Variants in TAF1 observed in about 807,000 individuals in gnomAD.
TAF1 encodes the protein transcription initiation factor TFIID subunit 1.
In TAF1, 2 loss-of-function variants were observed where a neutral mutation model predicts 138.5. The observed-to-expected ratio is 0.01, with a 90% CI of 0.01 to 0.05. The LOEUF (loss-of-function observed/expected upper bound fraction) is 0.05, where lower values mean the gene tolerates loss of function less well. Ranked by LOEUF, TAF1 falls within the 10% of genes least tolerant of loss-of-function variation. TAF1 has a pLI of 1.00. For synonymous variants in TAF1, 437 were observed against 503.2 expected, an observed-to-expected ratio of 0.87 and a Z score of 1.76; for missense variants, 709 against 1,478.0, an observed-to-expected ratio of 0.48 and a Z score of 8.53.
At chrX:71,384,261 A>T (rs2034076465) in intron 13 of TAF1, 126 bp downstream of exon 13, 2 of 744,783 alleles carry the variant, frequency 2.7e-6, no homozygotes, top group Non-Finnish European at 3.8e-6. Flanking sequence ...TTACATACAA[A>T]TTTTTTATTA....
At position 71,406,548 on chromosome X, in the gene TAF1, A is replaced by G. The variant is rs1348578140; in HGVS notation, c.3999-90A>G. 3 of 900,961 alleles carry G rather than the reference A, an allele frequency of 3.3e-6. No homozygotes were observed. In the Admixed American group the frequency reaches 9.9e-5, roughly 30 times the overall value. 74.2% of individuals were successfully genotyped at this position (900,961 alleles called of 1,213,427 possible). A position where few individuals can be genotyped will look rare whatever the true frequency, so the allele number is the denominator to read the frequency against. ...TTCCTCGCTAGGCTCGTGCTTAGGT[A>G]CCTTGGACTTTTTTTTAATTATAGT... On this transcript the variant is annotated intron_variant, in intron 25 of 37. Transcript: ENST00000423759.
At chrX:71,431,819 G>C (rs775992072) in intron 32 of TAF1, among the ~76,000 whole-genome samples, 31 of 109,641 alleles carry the variant, frequency 2.8e-4, no homozygotes. Context: ...CGGAGGCTGA[G>C]GCAGGAGAAT....
chrX:71,397,014 G>A (rs1482612815), intron 22 of TAF1, among the ~76,000 whole-genome samples: 1 of 87,029 alleles, frequency 1.1e-5, no homozygotes, highest in East Asian at 3.9e-4. Flanking sequence ...AACAGAGCGA[G>A]AGAGATCCTG....
intron 13 of TAF1, among the ~76,000 whole-genome samples, chrX:71,506,552 G>T (rs372353396): frequency 2.8e-5 from 3 of 106,491 alleles, no homozygotes; most frequent in South Asian, 4.3e-4. Context: ...AAAAGTAGCC[G>T]GGCATGGTGG....
rs1469446378 is a variant in TAF1, at chrX:71,485,710, T to A, written c.1366+24907T>A. On this transcript the variant is annotated intron_variant and NMD_transcript_variant, in intron 13 of 14. Transcript: ENST00000373775. The stretch of plus-strand genomic sequence containing the variant: ...TAGATTTGGTTGTTTGTTGTTGTTG[T>A]CGAGTTGTAGGAATTATTTATATAT... Among the ~76,000 whole-genome samples the A allele has an allele frequency of 2.7e-5, 3 of 111,851 alleles. No individual in the cohort carries two copies. The South Asian group carries it at 1.1e-3, about 41-fold the overall frequency.
intron 29 of TAF1, among the ~76,000 whole-genome samples, chrX:71,422,344 A>T (rs1181661529): frequency 2.9e-5 from 3 of 102,407 alleles, no homozygotes; most frequent in African/African-American, 1.1e-4. Flanking sequence ...TTTTTTTGAG[A>T]CAGGGTCTGG....
Position 71,465,353 on chromosome X carries a change from A to G in TAF1, c.*1307A>G, listed in dbSNP as rs986940415. 8.9e-6 allele frequency: 1 copy of G among 112,081 alleles called. No homozygotes were observed. The highest frequency in any genetic ancestry group is 1.9e-5 in the Non-Finnish European group (1 of 53,229). The allele number at this position is 112,081 out of a possible 1,213,427, so 9.2% of individuals were successfully genotyped here. ...AGTAATCATGTCTGAAAAGTCAGGA[A>G]AGTCTTCCTAGAGGTAATTTTTAAG... is the stretch of plus-strand genomic sequence containing the variant. On this transcript the variant is annotated 3_prime_UTR_variant, in exon 38 of 38. Coordinates refer to ENST00000423759, the MANE Select transcript of TAF1 (RefSeq NM_004606.5).
At chrX:71,434,900 A>G (rs1224343333) in intron 32 of TAF1, among the ~76,000 whole-genome samples, 2 of 112,779 alleles carry the variant, frequency 1.8e-5, no homozygotes, top group Non-Finnish European at 3.7e-5. Context: ...TTTTTGCCAG[A>G]CTTAACAAAA....
intron 13 of TAF1, among the ~76,000 whole-genome samples, chrX:71,504,318 C>T (rs1245529201): frequency 9.1e-6 from 1 of 110,290 alleles, no homozygotes; most frequent in African/African-American, 3.3e-5. Context: ...GTATTTCCTC[C>T]ATCCAGTCTG....
At chrX:71,386,022 A>G (rs764220087) in intron 14 of TAF1, among the ~76,000 whole-genome samples, 17 of 110,648 alleles carry the variant, frequency 1.5e-4, no homozygotes, top group Non-Finnish European at 2.8e-4. Flanking sequence ...TTAGCCGGGC[A>G]TGGTGGCACA....
Position 71,414,483 on chromosome X carries a change from TGTTACACC to T in TAF1, c.4384+6337_4384+6344del, listed in dbSNP as rs1159926205. 9.8e-5 allele frequency among the ~76,000 whole-genome samples: 8 copies of T among 81,851 alleles called. 1 individual carries two copies. The highest frequency in any genetic ancestry group is 4.9e-3 in the Middle Eastern group (1 of 204). The allele number at this position is 81,851 out of a possible 115,157, so 71.1% of individuals were successfully genotyped here. ...AACCATTCATCCACATAGGTATTTG[TGTTACACC>T]GTTATCATAAGGTCTGGATCTACTG... is the stretch of plus-strand genomic sequence containing the variant. On this transcript the variant is annotated intron_variant, in intron 28 of 37. Coordinates refer to ENST00000423759, the MANE Select transcript of TAF1 (RefSeq NM_004606.5).
chrX:71,426,552 C>T (rs2036598804), intron 32 of TAF1, among the ~76,000 whole-genome samples: 1 of 110,760 alleles, frequency 9.0e-6, no homozygotes, highest in African/African-American at 3.3e-5. Flanking sequence ...CCCGTCTCTA[C>T]TAAAAGTACA....
At chrX:71,392,295 C>A (rs1415384881) in intron 18 of TAF1, among the ~76,000 whole-genome samples, 1 of 111,017 alleles carries the variant, frequency 9.0e-6, no homozygotes, top group Non-Finnish European at 1.9e-5. Context: ...TACCACTGTT[C>A]TTTATTTTTC....
At chrX:71,377,910 T>C in intron 6 of TAF1, 89 bp downstream of exon 6, 1 of 964,867 alleles carries the variant, frequency 1.0e-6, no homozygotes, top group South Asian at 2.5e-5. Flanking sequence ...AAATTGTAAA[T>C]AATACCATAG....
At chrX:71,504,295 T>C (rs1200095293) in intron 13 of TAF1, among the ~76,000 whole-genome samples, 1 of 110,102 alleles carries the variant, frequency 9.1e-6, no homozygotes. Flanking sequence ...CCCTGACTGA[T>C]ACATCCTTCA....
intron 37 of TAF1, 96 bp from the exon 38 acceptor site, chrX:71,463,728 G>A: frequency 1.2e-6 from 1 of 818,743 alleles, no homozygotes; most frequent in Non-Finnish European, 1.8e-6. Context: ...GTCCAGGGGA[G>A]GTGAGATGGG....
At chrX:71,445,216 G>T (rs1197129387) in intron 32 of TAF1, among the ~76,000 whole-genome samples, 1 of 106,024 alleles carries the variant, frequency 9.4e-6, no homozygotes, top group African/African-American at 3.4e-5. Flanking sequence ...ACGAGAATTG[G>T]TTGAACCTGG....
chrX:71,447,296 G>A (rs1569357484), intron 32 of TAF1, among the ~76,000 whole-genome samples: 1 of 111,340 alleles, frequency 9.0e-6, no homozygotes, highest in Non-Finnish European at 1.9e-5. Context: ...ATTTGTGGAA[G>A]AGTTCTCAAG....
chrX:71,383,193 C>T, intron 12 of TAF1, 29 bp downstream of exon 12: 1 of 1,187,973 alleles, frequency 8.4e-7, no homozygotes, highest in South Asian at 1.9e-5. Flanking sequence ...TAGAAAACAG[C>T]TATAAAGGAT....
Sources: allele counts gnomAD v4.1 joint callset (sites outside exome capture counted in the v4.1 genomes callset), GRCh38; gene constraint gnomAD v4.1.1; transcripts MANE v1.5; gene names NCBI Gene and HGNC (gene_info 2026-07-23, HGNC 2026-07-21).